VMP1: variants seen among roughly 807,000 people sequenced by gnomAD.
VMP1 encodes the protein ectopic P-granules autophagy protein 3 homolog.
Under a neutral mutation model 56.0 loss-of-function variants are expected in VMP1, and 11 were observed. The ratio of observed to expected loss-of-function variants is 0.20; its 90% CI spans 0.12 to 0.32. VMP1 has a LOEUF of 0.32. VMP1 is among the 10% of genes least tolerant of loss of function. The pLI is 1.00. For synonymous variants in VMP1, 149 were observed against 165.0 expected, an observed-to-expected ratio of 0.90 and a Z score of 0.74; for missense variants, 296 against 490.3, an observed-to-expected ratio of 0.60 and a Z score of 3.74.
At chr17:59,783,366 A>G (rs1446333648) in intron 7 of VMP1, among the ~76,000 whole-genome samples, 1 of 152,106 alleles carries the variant, frequency 6.6e-6, no homozygotes, top group African/African-American at 2.4e-5. Flanking sequence ...TGTGAGTACA[A>G]TGTTGAGATT....
intron 8 of VMP1, among the ~76,000 whole-genome samples, chr17:59,810,030 T>C (rs1481376339): frequency 1.3e-5 from 2 of 152,214 alleles, no homozygotes; most frequent in African/African-American, 4.8e-5. Context: ...CTCAAATTTA[T>C]AGATAAGAAG....
intron 1 of VMP1, among the ~76,000 whole-genome samples, chr17:59,713,395 T>TATA (rs549268809): frequency 1.2e-3 from 176 of 151,324 alleles, no homozygotes; most frequent in South Asian, 7.3e-3. Flanking sequence ...GAACTTAAAG[T>TATA]ATAATAATAA....
chr17:59,785,597 C>T lies in VMP1; in HGVS notation c.714+11712C>T, dbSNP rs184985254. Among the ~76,000 whole-genome samples the T allele has an allele frequency of 1.1e-4, 16 of 148,928 alleles. No homozygotes were observed. In the East Asian group the frequency reaches 2.4e-3, roughly 22 times the overall value. ...CCCAGCTACTTGGGAGGCTGAGGAACGAGAATCGCTTGAACCCGAGAGGCA... is the reference window on the plus strand; with the variant it reads ...CCCAGCTACTTGGGAGGCTGAGGAATGAGAATCGCTTGAACCCGAGAGGCA... On this transcript the variant is annotated intron_variant, in intron 7 of 11. Coordinates refer to ENST00000262291, the MANE Select transcript of VMP1 (RefSeq NM_030938.5).
At chr17:59,710,892 G>A (rs1192313892) in intron 1 of VMP1, among the ~76,000 whole-genome samples, 1 of 152,110 alleles carries the variant, frequency 6.6e-6, no homozygotes, top group Non-Finnish European at 1.5e-5. Context: ...CTAACATGGT[G>A]AAACCCGGTG....
intron 1 of VMP1, among the ~76,000 whole-genome samples, chr17:59,710,076 A>T (rs1030932669): frequency 7.2e-5 from 11 of 152,122 alleles, no homozygotes; most frequent in Non-Finnish European, 1.5e-4. Flanking sequence ...AGGCGCCTGT[A>T]ATCCCAGCTA....
chr17:59,821,323 C>G (rs1217296464), intron 10 of VMP1, among the ~76,000 whole-genome samples: 1 of 151,868 alleles, frequency 6.6e-6, no homozygotes, highest in Non-Finnish European at 1.5e-5. Context: ...TGGCATGGCC[C>G]CTCAAAAAAT....
chr17:59,744,666 GA>G (rs2035360140), intron 5 of VMP1, among the ~76,000 whole-genome samples: 2 of 148,416 alleles, frequency 1.3e-5, no homozygotes, highest in Admixed American at 1.4e-4. Flanking sequence ...AGGAAAGAGA[GA>G]GATGAAAGAA....
chr17:59,809,484 A>ATTTTTTTTTT (rs71145575), intron 8 of VMP1, among the ~76,000 whole-genome samples: 8 of 52,718 alleles, frequency 1.5e-4, no homozygotes, highest in South Asian at 7.1e-4. Flanking sequence ...CACCCAGCTA[A>ATTTTTTTTTT]TTTTTTTTTT....
intron 5 of VMP1, among the ~76,000 whole-genome samples, chr17:59,760,690 G>A (rs12938726): frequency 2.0e-5 from 3 of 151,908 alleles, no homozygotes; most frequent in South Asian, 4.1e-4. Flanking sequence ...GCGCAATCTC[G>A]GCTCACTGCA....
At chr17:59,839,509 A>G (rs1251299914) in intron 11 of VMP1, 1 of 412,266 alleles carries the variant, frequency 2.4e-6, no homozygotes. Context: ...AGGTCCTAGT[A>G]GAAGAGCTAA....
intron 5 of VMP1, among the ~76,000 whole-genome samples, chr17:59,751,204 A>G (rs1218438055): frequency 1.3e-5 from 2 of 152,034 alleles, no homozygotes; most frequent in African/African-American, 2.4e-5. Flanking sequence ...GCACTCTTTT[A>G]TTGCATATTA....
Position 59,808,777 on chromosome 17 carries a change from TA to T in VMP1, c.715-16del. 2 of 1,605,920 alleles carry T rather than the reference TA, an allele frequency of 1.2e-6. No individual in the cohort carries two copies. The highest frequency in any genetic ancestry group is 1.7e-6 in the Non-Finnish European group (2 of 1,173,836). Reference sequence around the variant, plus strand: ...TTTTCCTACTTCTCATTAATGTTTCTAAATTTGCCTTTTTACAGGACTTTGC... The same window carrying T: ...TTTTCCTACTTCTCATTAATGTTTCTAATTTGCCTTTTTACAGGACTTTGC... On this transcript the variant is annotated intron_variant, in intron 7 of 11. Coordinates refer to ENST00000262291, the MANE Select transcript of VMP1 (RefSeq NM_030938.5).
chr17:59,760,169 AAT>A (rs1389699217), intron 5 of VMP1, among the ~76,000 whole-genome samples: 2 of 151,582 alleles, frequency 1.3e-5, no homozygotes, highest in Non-Finnish European at 2.9e-5. Flanking sequence ...TAAGGTTTGC[AAT>A]ATGCTCCATT....
intron 4 of VMP1, among the ~76,000 whole-genome samples, chr17:59,738,203 G>C (rs1270317545): frequency 6.6e-6 from 1 of 152,152 alleles, no homozygotes; most frequent in Non-Finnish European, 1.5e-5. Context: ...ATCCAAGGTT[G>C]ATGATTACGT....
Position 59,838,367 on chromosome 17 carries a change from TCAC to T in VMP1, c.1051_1053del (p.His351del), listed in dbSNP as rs2039050564. On this transcript the variant is annotated inframe_deletion, in exon 11 of 12. Transcript: ENST00000262291. The stretch of plus-strand genomic sequence containing the variant: ...ACCTGGAGGCTCAACGGCAGAAGCT[TCAC>T]CACAAAAGCGAAATGGGCACACCAC... The T allele has an allele frequency of 5.6e-6, 9 of 1,614,112 alleles. No individual in the cohort carries two copies. The highest frequency in any genetic ancestry group is 7.6e-6 in the Non-Finnish European group (9 of 1,180,014).
intron 10 of VMP1, among the ~76,000 whole-genome samples, chr17:59,824,055 A>G (rs1271666935): frequency 1.3e-5 from 2 of 152,068 alleles, no homozygotes; most frequent in East Asian, 3.9e-4. Flanking sequence ...ATTCGAGACC[A>G]TGCTGGCCAA....
At chr17:59,808,672 T>G in intron 7 of VMP1, 124 bp from the exon 8 acceptor site, 2 of 706,452 alleles carry the variant, frequency 2.8e-6, no homozygotes, top group South Asian at 4.0e-5. Flanking sequence ...ACTGTAATTT[T>G]TTTCATCATT....
chr17:59,713,141 G>T lies in VMP1; in HGVS notation c.-27+5393G>T, dbSNP rs1176369811. ...GGTTTGGAGAAGACCAGGTTTGTTT[G>T]TTACAAGAAGGTGGGTAGGTGTAGG... On this transcript the variant is annotated intron_variant, in intron 1 of 11. Coordinates refer to ENST00000262291, the MANE Select transcript of VMP1 (RefSeq NM_030938.5). Among the ~76,000 whole-genome samples the T allele has an allele frequency of 9.9e-5, 15 of 151,936 alleles. No homozygotes were observed. The South Asian group carries it at 2.7e-3, about 27-fold the overall frequency.
chr17:59,730,259 A>G lies in VMP1; in HGVS notation c.-26-1162A>G, dbSNP rs143318068. 4.9e-3 allele frequency among the ~76,000 whole-genome samples: 742 copies of G among 151,106 alleles called. 7 individuals are homozygous for G. Among genetic ancestry groups the G allele is most frequent in the African/African-American group, 0.018 (721 of 41,148 alleles). On this transcript the variant is annotated intron_variant, in intron 1 of 11. Transcript: ENST00000262291. ...GTAAATACTTTCTCCTGTGGGTTGT[A>G]TTTATTTTCACTTTCTTTTTTTTTT... is the stretch of plus-strand genomic sequence containing the variant.
Sources: gnomAD v4.1 joint callset for allele counts (sites outside exome capture counted in the v4.1 genomes callset) on GRCh38, gnomAD v4.1.1 for gene constraint, MANE v1.5 for transcripts, NCBI Gene and HGNC (gene_info 2026-07-23, HGNC 2026-07-21) for gene names.